Variants in CNTN4 observed in about 807,000 individuals in gnomAD.
The protein encoded by CNTN4 is contactin 4.
CNTN4 carries 77 observed loss-of-function variants against 122.5 expected under a neutral mutation model. That is an observed-to-expected ratio of 0.63 (90% CI 0.52 to 0.76). The LOEUF (loss-of-function observed/expected upper bound fraction) is 0.76, where lower values mean the gene tolerates loss of function less well. Among genes scored for constraint, CNTN4 ranks in the 30% least tolerant of loss-of-function variants. The pLI is 0.00. For missense variants in CNTN4, 1,256 were observed against 1,259.1 expected, an observed-to-expected ratio of 1.00 and a Z score of 0.04; for synonymous variants, 512 against 447.0, an observed-to-expected ratio of 1.15 and a Z score of -1.83.
At chr3:2,246,256 T>C (rs1379688812) in intron 2 of CNTN4, among the ~76,000 whole-genome samples, 1 of 152,060 alleles carries the variant, frequency 6.6e-6, no homozygotes, top group South Asian at 2.1e-4. Flanking sequence ...GTGGCTGAGA[T>C]ACAGTAAAGT....
chr3:2,866,619 C>T lies in CNTN4; in HGVS notation c.455-133C>T, dbSNP rs2093726480. ...ACGGGGGACTGTGATTACTTCCTAT[C>T]TGTATTTAGTGGGCTGAAAAAGAGT... On this transcript the variant is annotated intron_variant, in intron 7 of 24. Coordinates refer to ENST00000418658, the MANE Select transcript of CNTN4 (RefSeq NM_175607.3). The T allele has an allele frequency of 6.2e-6, 7 of 1,130,110 alleles. No individual in the cohort carries two copies. The South Asian group carries it at 8.1e-5, about 13-fold the overall frequency. 70.0% of individuals were successfully genotyped at this position (1,130,110 alleles called of 1,614,324 possible).
In CNTN4 at chr3:2,988,469, A is replaced by C; in HGVS notation, c.1483A>C (p.Lys495Gln). ...TASSTGNLVV[K>Q]DPTRVMVPPS... is the part of the protein sequence containing the mutation. Reference sequence around the variant, plus strand: ...TAGCAGTACTGGAAACTTGGTAGTGAAAGGTAATGGCTAACCCAAAGAATT... The same window carrying C: ...TAGCAGTACTGGAAACTTGGTAGTGCAAGGTAATGGCTAACCCAAAGAATT... Residue 495 changes from lysine (K) to glutamine (Q), a missense_variant, in exon 14 of 25, where the codon AAA becomes CAA. Coordinates refer to ENST00000418658, the MANE Select transcript of CNTN4 (RefSeq NM_175607.3). 6.2e-7 allele frequency: 1 copy of C among 1,613,712 alleles called. No homozygotes were observed.
chr3:3,043,716 C>G lies in CNTN4; in HGVS notation c.2811+12C>G, dbSNP rs199645551. 123 of 1,581,076 alleles carry G rather than the reference C, an allele frequency of 7.8e-5. 1 individual carries two copies. In the African/African-American group the frequency reaches 1.6e-3, roughly 20 times the overall value. ...TAAAAGGATACAAAGTAGGTAATTT[C>G]TTTTTTGCAAAGGCACCTAATCGTG... On this transcript the variant is annotated intron_variant, in intron 23 of 24. Coordinates refer to ENST00000418658, the MANE Select transcript of CNTN4 (RefSeq NM_175607.3).
Position 2,931,001 on chromosome 3 carries a change from G to A in CNTN4, c.1358+5222G>A, listed in dbSNP as rs182721804. 3.4e-4 allele frequency among the ~76,000 whole-genome samples: 52 copies of A among 152,304 alleles called. No homozygotes were observed. In the East Asian group the frequency reaches 7.3e-3, roughly 21 times the overall value. ...AGGCCTTGTATTTTATGTCTGTGGA[G>A]TTTAGACTTGAATCAGAAGACCATG... On this transcript the variant is annotated intron_variant, in intron 13 of 24. Coordinates refer to ENST00000418658, the MANE Select transcript of CNTN4 (RefSeq NM_175607.3).
intron 2 of CNTN4, among the ~76,000 whole-genome samples, chr3:2,172,051 G>A (rs2036540171): frequency 6.6e-6 from 1 of 152,204 alleles, no homozygotes; most frequent in Middle Eastern, 3.2e-3. Context: ...GAGAACCACT[G>A]CTCTGCTGCA....
intron 2 of CNTN4, among the ~76,000 whole-genome samples, chr3:2,220,925 G>A (rs1470113393): frequency 1.3e-5 from 2 of 152,080 alleles, no homozygotes; most frequent in Admixed American, 1.3e-4. Flanking sequence ...AGGTAGAGAA[G>A]TGAATATTTC....
intron 4 of CNTN4, among the ~76,000 whole-genome samples, chr3:2,606,558 A>G (rs184549425): frequency 4.3e-4 from 66 of 152,342 alleles, no homozygotes; most frequent in African/African-American, 1.5e-3. Context: ...GACTTTGACA[A>G]CGAAACCATT....
chr3:2,623,213 G>T (rs1303024080), intron 4 of CNTN4, among the ~76,000 whole-genome samples: 1 of 150,364 alleles, frequency 6.7e-6, no homozygotes, highest in Admixed American at 6.6e-5. Context: ...CTTCTTGAAA[G>T]ATCCTTTATG....
At chr3:2,873,201 C>T (rs547809645) in intron 8 of CNTN4, among the ~76,000 whole-genome samples, 2 of 152,268 alleles carry the variant, frequency 1.3e-5, no homozygotes, top group Non-Finnish European at 2.9e-5. Flanking sequence ...CTCAGCTATG[C>T]AAAATGGGTG....
At chr3:2,336,132 C>T (rs1165893823) in intron 2 of CNTN4, among the ~76,000 whole-genome samples, 1 of 151,966 alleles carries the variant, frequency 6.6e-6, no homozygotes, top group Non-Finnish European at 1.5e-5. Flanking sequence ...CATTACGGTC[C>T]TGAGAGGTTA....
chr3:2,380,401 G>A (rs927540766), intron 3 of CNTN4, among the ~76,000 whole-genome samples: 11 of 151,964 alleles, frequency 7.2e-5, no homozygotes, highest in African/African-American at 2.7e-4. Context: ...TTGTAGATTG[G>A]AAAGAGGAAA....
intron 4 of CNTN4, among the ~76,000 whole-genome samples, chr3:2,734,938 T>A (rs2088970642): frequency 6.6e-6 from 1 of 152,184 alleles, no homozygotes; most frequent in African/African-American, 2.4e-5. Context: ...ATCTTAAAAC[T>A]CATCAGGCAG....
intron 3 of CNTN4, among the ~76,000 whole-genome samples, chr3:2,403,971 C>T (rs1248093322): frequency 6.6e-6 from 1 of 152,132 alleles, no homozygotes; most frequent in African/African-American, 2.4e-5. Context: ...CCTATGAGTA[C>T]AGATTGTCCA....
At chr3:2,962,054 G>A (rs967027651) in intron 13 of CNTN4, among the ~76,000 whole-genome samples, 5 of 152,216 alleles carry the variant, frequency 3.3e-5, no homozygotes, top group Non-Finnish European at 7.3e-5. Context: ...TATGAAAGAT[G>A]TAATTTGAAC....
At chr3:2,191,193 C>T (rs1332850221) in intron 2 of CNTN4, among the ~76,000 whole-genome samples, 1 of 151,812 alleles carries the variant, frequency 6.6e-6, no homozygotes, top group Non-Finnish European at 1.5e-5. Flanking sequence ...CTCAGCCTTC[C>T]TAGTAGCTGT....
intron 6 of CNTN4, among the ~76,000 whole-genome samples, chr3:2,785,138 C>T (rs2874405): frequency 0.013 from 1,807 of 136,060 alleles, 20 homozygotes; most frequent in African/African-American, 0.026. Flanking sequence ...CACACACACA[C>T]ATATATATAG....
At chr3:2,812,711 A>G (rs530704270) in intron 6 of CNTN4, among the ~76,000 whole-genome samples, 3 of 152,296 alleles carry the variant, frequency 2.0e-5, no homozygotes, top group African/African-American at 7.2e-5. Context: ...GCTAACATTT[A>G]TAGACTACTG....
chr3:2,504,608 C>T (rs538972595), intron 3 of CNTN4, among the ~76,000 whole-genome samples: 1 of 152,264 alleles, frequency 6.6e-6, no homozygotes, highest in African/African-American at 2.4e-5. Flanking sequence ...GAGTGAAATG[C>T]TATTGGAGAA....
At chr3:2,209,392 G>C (rs528270345) in intron 2 of CNTN4, among the ~76,000 whole-genome samples, 5 of 152,266 alleles carry the variant, frequency 3.3e-5, no homozygotes, top group Admixed American at 1.3e-4. Flanking sequence ...GGCTGATCAA[G>C]TAGCTATCCT....
Sources: gnomAD v4.1 joint callset for allele counts (sites outside exome capture counted in the v4.1 genomes callset) on GRCh38, gnomAD v4.1.1 for gene constraint, MANE v1.5 for transcripts, NCBI Gene and HGNC (gene_info 2026-07-23, HGNC 2026-07-21) for gene names.